The following MDC1 variants were observed in gnomAD, a reference collection of about 807,000 sequenced individuals.
The protein encoded by MDC1 is mediator of DNA damage checkpoint 1, also known as mediator of DNA damage checkpoint protein 1.
A neutral mutation model predicts 142.5 loss-of-function variants in MDC1; 81 were observed. The ratio of observed to expected loss-of-function variants is 0.57; its 90% CI spans 0.47 to 0.68. The LOEUF is 0.68. Ranked by LOEUF, MDC1 falls within the 30% of genes least tolerant of loss-of-function variation. The pLI is 0.00. For missense variants in MDC1, 2,119 were observed against 2,547.9 expected (o/e 0.83, Z 3.62); for synonymous variants, 797 against 968.4 (o/e 0.82, Z 3.29).
At position 30,716,557 on chromosome 6, in the gene MDC1, C is replaced by T. The variant is rs1444917908; in HGVS notation, c.-4+688G>A. On this transcript the variant is annotated intron_variant, in intron 1 of 14. Coordinates refer to ENST00000376406, the MANE Select transcript of MDC1 (RefSeq NM_014641.3). This position sits in a 1 kb window ranked among gnomAD's most constrained non-coding sequence, Gnocchi z 4.4. ...AAACCCTTTCCTGGCGTGTTCCCTGCCTTCTCGTGTTCCTGGTGTATCCTG... is the reference window on the plus strand; with the variant it reads ...AAACCCTTTCCTGGCGTGTTCCCTGTCTTCTCGTGTTCCTGGTGTATCCTG... 1.3e-5 allele frequency among the ~76,000 whole-genome samples: 2 copies of T among 152,174 alleles called. No individual in the cohort carries two copies. The highest frequency in any genetic ancestry group is 2.1e-4 in the South Asian group (1 of 4,838).
Position 30,704,923 on chromosome 6 carries a change from TGTGGAA to T in MDC1, c.4254_4259del (p.Ser1419_Thr1420del). ...TGGGCTCAGGAGTGACAGGTTGGTC[TGTGGAA>T]GTGGAAGGCTCGAGCTTAGGGGCTG... On this transcript the variant is annotated inframe_deletion, in exon 10 of 15. Transcript: ENST00000376406. 6.2e-7 allele frequency: 1 copy of T among 1,605,554 alleles called. No homozygotes were observed. The highest frequency in any genetic ancestry group is 1.1e-5 in the South Asian group (1 of 89,972).
Position 30,703,752 on chromosome 6 carries a change from G to A in MDC1, c.5431C>T (p.Arg1811Cys), listed in dbSNP as rs763745278. The change falls in exon 10 of 15, where the codon CGC (arginine) becomes TGC (cysteine). Residue 1811 changes from arginine to cysteine, a missense_variant. By Grantham distance (180) the Arg-to-Cys change is radical. Coordinates refer to ENST00000376406, the MANE Select transcript of MDC1 (RefSeq NM_014641.3). This position sits in a 1 kb window ranked among gnomAD's most constrained non-coding sequence, Gnocchi z 4.4. The part of the protein sequence containing the change: ...PELQPKASQS[R>C]KRSLATMDSP... ...TCCATGGTAGCTAAAGACCTCTTGCGGCTTTGAGAGGCCTTAGGCTGGAGC... is the reference window on the plus strand; with the variant it reads ...TCCATGGTAGCTAAAGACCTCTTGCAGCTTTGAGAGGCCTTAGGCTGGAGC... The A allele has an allele frequency of 2.2e-5, 34 of 1,547,878 alleles. No individual in the cohort carries two copies. The highest frequency in any genetic ancestry group is 3.5e-4 in the Middle Eastern group (2 of 5,744).
Position 30,711,516 on chromosome 6 carries a change from AAG to A in MDC1, c.2129-14_2129-13del, listed in dbSNP as rs759640398. The A allele has an allele frequency of 2.9e-5, 46 of 1,612,118 alleles. No homozygotes were observed. Among genetic ancestry groups the A allele is most frequent in the Non-Finnish European group, 3.7e-5 (44 of 1,179,292 alleles). ...CATGCTCTGGACTGCTGTACAGGAA[AAG>A]ATGGCCTAAGTTCATCTCCTCCATA... On this transcript the variant is annotated splice_polypyrimidine_tract_variant and intron_variant, in intron 6 of 14. Coordinates refer to ENST00000376406, the MANE Select transcript of MDC1 (RefSeq NM_014641.3).
chr6:30,707,000 G>A (rs1382799307), intron 9 of MDC1, among the ~76,000 whole-genome samples: 1 of 152,064 alleles, frequency 6.6e-6, no homozygotes, highest in Admixed American at 6.6e-5. Flanking sequence ...ATGCTCACTG[G>A]ATTTTCCTTT....
At chr6:30,714,366 T>A (rs1581627388) in intron 2 of MDC1, among the ~76,000 whole-genome samples, 183 bp from the exon 3 acceptor site, 1 of 152,144 alleles carries the variant, frequency 6.6e-6, no homozygotes, top group Non-Finnish European at 1.5e-5. Flanking sequence ...ACAATGGATG[T>A]TTTTTTACTG....
rs780241407 is a variant in MDC1, at chr6:30,702,853, G to A, written c.5890C>T (p.Pro1964Ser). The change falls in exon 13 of 15, where the codon CCC becomes TCC. Residue 1964 changes from proline (P) to serine (S), a missense_variant. Pro to Ser is a moderately conservative substitution (Grantham distance 74, BLOSUM62 -1). Transcript: ENST00000376406. ...TCGGTCACCACATATTCATCCGGGG[G>A]TAAGAAGAAACCAGCCTTGCGGGAC... The part of the protein sequence containing the change: ...HQSRKAGFFL[P>S]PDEYVVTDPE... 1.6e-5 allele frequency: 26 copies of A among 1,613,000 alleles called. No individual in the cohort carries two copies. The highest frequency in any genetic ancestry group is 2.0e-5 in the Non-Finnish European group (24 of 1,180,034).
rs143800710 is a variant in MDC1, at chr6:30,712,931, C to A, written c.1011G>T (p.Arg337Ser). 6 of 1,612,960 alleles carry A rather than the reference C, an allele frequency of 3.7e-6. No individual in the cohort carries two copies. The African/African-American group carries it at 5.3e-5, about 14-fold the overall frequency. Residue 337 changes from arginine to serine, a missense_variant, in exon 5 of 15, where the codon AGG becomes AGT. By Grantham distance (110) the Arg-to-Ser change is moderately radical. Transcript: ENST00000376406. The surrounding 1 kb of genome is among the most constrained non-coding windows in gnomAD (Gnocchi z 4.7). ...IDSDTDAEEE[R>S]IPATPVVIPM... Reference sequence around the variant, plus strand: ...GAATGACAACTGGGGTTGCTGGGATCCTCTCTTCTTCCGCATCAGTGTCGC... The same window carrying A: ...GAATGACAACTGGGGTTGCTGGGATACTCTCTTCTTCCGCATCAGTGTCGC...
rs1339030096 is a variant in MDC1 at position 30,714,938 on chromosome 6, A to C, written c.136+102T>G. ...TTCCATTCATGAAAAAAAAAAATTC[A>C]CATCTCATTGAAACATACATAAGCT... On this transcript the variant is annotated intron_variant, in intron 2 of 14. Transcript: ENST00000376406. The C allele has an allele frequency of 9.5e-6, 13 of 1,372,962 alleles. No homozygotes were observed. The Admixed American group carries it at 2.2e-4, about 23-fold the overall frequency. 85.0% of individuals were successfully genotyped at this position (1,372,962 alleles called of 1,614,324 possible).
Position 30,713,556 on chromosome 6 carries a change from C to A in MDC1, c.587+92G>T. On this transcript the variant is annotated intron_variant, in intron 4 of 14. Coordinates refer to ENST00000376406, the MANE Select transcript of MDC1 (RefSeq NM_014641.3). The surrounding 1 kb of genome is among the most constrained non-coding windows in gnomAD (Gnocchi z 4.9). ...TATGTATGGTTCCCCAGCCCCAACT[C>A]TCATGATAATCATCTCTTTTAGAGA... is the stretch of plus-strand genomic sequence containing the variant. 2 of 1,397,052 alleles carry A rather than the reference C, an allele frequency of 1.4e-6. No homozygotes were observed. The highest frequency in any genetic ancestry group is 4.1e-4 in the Middle Eastern group (2 of 4,934). 86.5% of individuals were successfully genotyped at this position (1,397,052 alleles called of 1,614,324 possible). A position where few individuals can be genotyped will look rare whatever the true frequency, so the allele number is the denominator to read the frequency against.
intron 2 of MDC1, among the ~76,000 whole-genome samples, 156 bp from the exon 3 acceptor site, chr6:30,714,339 C>T (rs1431102747): frequency 1.3e-5 from 2 of 151,996 alleles, no homozygotes; most frequent in African/African-American, 2.4e-5. Context: ...AGAGTATATG[C>T]GATACCCCAT....
intron 8 of MDC1, 53 bp from the exon 9 acceptor site, chr6:30,707,507 A>G (rs1184047256): frequency 3.7e-6 from 6 of 1,612,940 alleles, no homozygotes; most frequent in Non-Finnish European, 4.2e-6. Flanking sequence ...CTGGTTGCCC[A>G]GGGGTTGATT....
In MDC1 at chr6:30,709,590, A is replaced by C. The variant is rs1452163671; in HGVS notation, c.2222-1233T>G. Reference sequence around the variant, plus strand: ...ATTAACTATAGTAACACTACTGTGGAACTGAACACTAGAACTTATTCATTC... The same window carrying C: ...ATTAACTATAGTAACACTACTGTGGCACTGAACACTAGAACTTATTCATTC... On this transcript the variant is annotated intron_variant, in intron 7 of 14. Transcript: ENST00000376406. This position sits in a 1 kb window ranked among gnomAD's most constrained non-coding sequence, Gnocchi z 4.2. 1.3e-5 allele frequency among the ~76,000 whole-genome samples: 2 copies of C among 152,240 alleles called. No homozygotes were observed. The highest frequency in any genetic ancestry group is 2.9e-5 in the Non-Finnish European group (2 of 68,044).
At position 30,713,062 on chromosome 6, in the gene MDC1, G is replaced by T. The variant is rs760897588; in HGVS notation, c.880C>A (p.Pro294Thr). Residue 294 changes from proline to threonine, a missense_variant, in exon 5 of 15, where the codon CCT (proline) becomes ACT (threonine). Transcript: ENST00000376406. The surrounding 1 kb of genome is among the most constrained non-coding windows in gnomAD (Gnocchi z 4.9). Reference protein sequence around the residue: ...PAGVILERSQPPGEDSDTDVD... With the variant: ...PAGVILERSQTPGEDSDTDVD... ...TCTGTGTCACTGTCCTCTCCAGGAG[G>T]TTGGCTCCTCTCCAGAATCACCCCA... 3.7e-6 allele frequency: 6 copies of T among 1,613,068 alleles called. No individual in the cohort carries two copies. The South Asian group carries it at 5.5e-5, about 15-fold the overall frequency.
In MDC1 at chr6:30,715,172, C is replaced by T. The variant is rs758314552; in HGVS notation, c.4G>A (p.Glu2Lys). The T allele has an allele frequency of 4.3e-6, 7 of 1,614,114 alleles. No homozygotes were observed. Among genetic ancestry groups the T allele is most frequent in the South Asian group, 1.1e-5 (1 of 91,080 alleles). The stretch of plus-strand genomic sequence containing the variant: ...TCCCAGTCAATAGCCTGGGTGTCCT[C>T]CATGATCTGGGAAGGATACACATTA... M[E>K]DTQAIDWDVE... Residue 2 changes from glutamate (E) to lysine (K), a missense_variant, in exon 2 of 15, where the codon GAG becomes AAG. Coordinates refer to ENST00000376406, the MANE Select transcript of MDC1 (RefSeq NM_014641.3). This position sits in a 1 kb window ranked among gnomAD's most constrained non-coding sequence, Gnocchi z 4.1.
chr6:30,706,647 T>C (rs1253101768), intron 9 of MDC1, among the ~76,000 whole-genome samples: 1 of 107,276 alleles, frequency 9.3e-6, no homozygotes, highest in East Asian at 2.7e-4. Flanking sequence ...AAAAAAAAAA[T>C]TAGCTAGGTG....
Position 30,715,199 on chromosome 6 carries a change from C to A in MDC1, c.-3-21G>T, listed in dbSNP as rs757282128. 6.2e-7 allele frequency: 1 copy of A among 1,613,888 alleles called. No homozygotes were observed. The highest frequency in any genetic ancestry group is 8.5e-7 in the Non-Finnish European group (1 of 1,179,816). ...ATGATCTGGGAAGGATACACATTAT[C>A]AATTATCCTCATTATTGGTTCACAC... On this transcript the variant is annotated intron_variant, in intron 1 of 14. Transcript: ENST00000376406. The surrounding 1 kb of genome is among the most constrained non-coding windows in gnomAD (Gnocchi z 4.1).
rs759874372 is a variant in MDC1, at chr6:30,714,105, G to T, written c.215C>A (p.Ser72Tyr). 9 of 1,612,572 alleles carry T rather than the reference G, an allele frequency of 5.6e-6. No individual in the cohort carries two copies. In the Admixed American group the frequency reaches 1.2e-4, roughly 21 times the overall value. ...CSVALPFPSI[S>Y]KQHAEIEILA... Reference sequence around the variant, plus strand: ...GATTTCAATCTCTGCATGTTGTTTGGAGATAGATGGAAAGGGCAGGGCCAC... The same window carrying T: ...GATTTCAATCTCTGCATGTTGTTTGTAGATAGATGGAAAGGGCAGGGCCAC... The change falls in exon 3 of 15, where the codon TCC (serine) becomes TAC (tyrosine). Residue 72 changes from serine (S) to tyrosine (Y), a missense_variant. Physicochemically the swap from Ser to Tyr is moderately radical, Grantham distance 144. Transcript: ENST00000376406.
rs746132634 is a variant in MDC1 at position 30,712,668 on chromosome 6, G to A, written c.1274C>T (p.Ala425Val). The change falls in exon 5 of 15, where the codon GCT becomes GTT. Residue 425 changes from alanine (A) to valine (V), a missense_variant. Physicochemically the swap from Ala to Val is moderately conservative, Grantham distance 64. Transcript: ENST00000376406. The surrounding 1 kb of genome is among the most constrained non-coding windows in gnomAD (Gnocchi z 4.7). ...CTCTTCTGCATCTCTGTTCCATATA[G>A]CAGGCTGGCTCTCTTTCAGATGTGC... ...TLAHLKESQPAIWNRDAEEDM... is the reference protein window; with the variant it reads ...TLAHLKESQPVIWNRDAEEDM... The A allele has an allele frequency of 5.0e-6, 8 of 1,612,900 alleles. No individual in the cohort carries two copies. The highest frequency in any genetic ancestry group is 6.8e-6 in the Non-Finnish European group (8 of 1,180,028).
At position 30,715,830 on chromosome 6, in the gene MDC1, T is replaced by C. The variant is rs1775580962; in HGVS notation, c.-3-652A>G. ...TCACAAGAACCTTGTAAAGTAGTAT[T>C]ACTATCTTCCATTTCTTCAGATAAA... On this transcript the variant is annotated intron_variant, in intron 1 of 14. Coordinates refer to ENST00000376406, the MANE Select transcript of MDC1 (RefSeq NM_014641.3). This position sits in a 1 kb window ranked among gnomAD's most constrained non-coding sequence, Gnocchi z 4.1. Among the ~76,000 whole-genome samples, 1 of 152,238 alleles carries C rather than the reference T, an allele frequency of 6.6e-6. No homozygotes were observed. Among genetic ancestry groups the C allele is most frequent in the African/African-American group, 2.4e-5 (1 of 41,464 alleles).
Sources: gnomAD v4.1 joint callset for allele counts (sites outside exome capture counted in the v4.1 genomes callset) on GRCh38, gnomAD v4.1.1 for gene constraint, Gnocchi (gnomAD v3.1) non-coding constraint, MANE v1.5 for transcripts, NCBI Gene and HGNC (gene_info 2026-07-23, HGNC 2026-07-21) for gene names.